Variants in SEMA6D observed in about 807,000 individuals in gnomAD.
The protein encoded by SEMA6D is semaphorin 6D, also known as semaphorin-6D.
SEMA6D carries 35 observed loss-of-function variants against 106.6 expected under a neutral mutation model. That is an observed-to-expected ratio of 0.33 (90% CI 0.25 to 0.44). The LOEUF is 0.44. SEMA6D is among the 20% of genes least tolerant of loss of function. The pLI, the probability that SEMA6D is intolerant of heterozygous loss-of-function variation, is 1.00. For missense variants in SEMA6D, 1,185 were observed against 1,345.9 expected, an observed-to-expected ratio of 0.88 and a Z score of 1.87; for synonymous variants, 499 against 487.7, an observed-to-expected ratio of 1.02 and a Z score of -0.31.
chr15:47,482,190 CATT>C lies in SEMA6D; in HGVS notation c.-87+11648_-87+11650del, dbSNP rs368648166. 5.5e-4 allele frequency among the ~76,000 whole-genome samples: 84 copies of C among 152,060 alleles called. 1 individual carries two copies. The highest frequency in any genetic ancestry group is 2.0e-3 in the African/African-American group (82 of 41,490). The stretch of plus-strand genomic sequence containing the variant: ...TTTTGACATAATGACAACAGGGAAA[CATT>C]ATAAATTATGTGTGGGAGAGAAGCA... On this transcript the variant is annotated intron_variant, in intron 3 of 19. Transcript: ENST00000558014.
chr15:47,548,684 A>G (rs1234340611), intron 3 of SEMA6D, among the ~76,000 whole-genome samples: 1 of 152,154 alleles, frequency 6.6e-6, no homozygotes, highest in African/African-American at 2.4e-5. Context: ...GGTTTATAGC[A>G]TGTCAACTTT....
intron 1 of SEMA6D, among the ~76,000 whole-genome samples, chr15:47,267,556 A>G (rs986154804): frequency 2.6e-5 from 4 of 152,068 alleles, no homozygotes; most frequent in Admixed American, 6.6e-5. Flanking sequence ...GATACCAGTT[A>G]TCCAGATTGA....
Position 47,438,327 on chromosome 15 carries a change from T to C in SEMA6D, c.-159+25855T>C, listed in dbSNP as rs189580873. On this transcript the variant is annotated intron_variant, in intron 2 of 19. Transcript: ENST00000558014. The stretch of plus-strand genomic sequence containing the variant: ...TAAGTCATCGCTCTTCTTTGTCTCA[T>C]GATCTCCTAGAACCCATCTCAACAC... 4.6e-5 allele frequency among the ~76,000 whole-genome samples: 7 copies of C among 152,208 alleles called. No individual in the cohort carries two copies. The East Asian group carries it at 1.4e-3, about 30-fold the overall frequency.
At chr15:47,694,071 G>A (rs2078648723) in intron 4 of SEMA6D, among the ~76,000 whole-genome samples, 1 of 152,116 alleles carries the variant, frequency 6.6e-6, no homozygotes, top group South Asian at 2.1e-4. Flanking sequence ...TCAAAGAGTA[G>A]CTCCCAAACT....
intron 1 of SEMA6D, among the ~76,000 whole-genome samples, chr15:47,269,897 C>CT (rs201010663): frequency 0.016 from 2,480 of 151,544 alleles, 47 homozygotes; most frequent in Non-Finnish European, 0.022. Flanking sequence ...TTTAATGTAT[C>CT]TTTTTTTTAT....
rs573072772 is a variant in SEMA6D, at chr15:47,231,692, A to C, written c.-239+47274A>C. Among the ~76,000 whole-genome samples, 7 of 152,166 alleles carry C rather than the reference A, an allele frequency of 4.6e-5. No individual in the cohort carries two copies. In the East Asian group the frequency reaches 1.4e-3, roughly 29 times the overall value. ...TTATTACATAAAACTGTGCCCCAGCAGTTTATCCCTTCAGGAGATGGCAAT... is the reference window on the plus strand; with the variant it reads ...TTATTACATAAAACTGTGCCCCAGCCGTTTATCCCTTCAGGAGATGGCAAT... On this transcript the variant is annotated intron_variant, in intron 1 of 19. Coordinates refer to the SEMA6D transcript ENST00000558014.
intron 2 of SEMA6D, among the ~76,000 whole-genome samples, chr15:47,430,965 CAT>C (rs2041503160): frequency 6.6e-6 from 1 of 152,118 alleles, no homozygotes. Context: ...TGAGGCAAGT[CAT>C]AGCAGCCAGT....
intron 1 of SEMA6D, among the ~76,000 whole-genome samples, chr15:47,191,840 ATAG>A (rs1314160415): frequency 6.6e-6 from 1 of 152,180 alleles, no homozygotes; most frequent in African/African-American, 2.4e-5. Context: ...GAAGCAGTAG[ATAG>A]TAGTCTCTGT....
chr15:47,743,812 C>A (rs150580416), intron 1 of SEMA6D, among the ~76,000 whole-genome samples: 2 of 152,172 alleles, frequency 1.3e-5, no homozygotes. Context: ...GAAGTGGCAT[C>A]CAAATGCTGT....
chr15:47,546,632 TC>T (rs898251180), intron 3 of SEMA6D, among the ~76,000 whole-genome samples: 11 of 151,656 alleles, frequency 7.3e-5, no homozygotes, highest in African/African-American at 1.2e-4. Context: ...AGAACTTTCC[TC>T]CCCCAGCCCC....
At chr15:47,694,137 A>G (rs2078650247) in intron 4 of SEMA6D, among the ~76,000 whole-genome samples, 1 of 145,548 alleles carries the variant, frequency 6.9e-6, no homozygotes, top group South Asian at 2.1e-4. Flanking sequence ...TCGGCCCCAC[A>G]AACAGAGCTA....
At chr15:47,525,790 A>G (rs1430562056) in intron 3 of SEMA6D, among the ~76,000 whole-genome samples, 1 of 152,222 alleles carries the variant, frequency 6.6e-6, no homozygotes. Context: ...TAGAAGAGGC[A>G]AGGGAGCCTT....
At chr15:47,652,282 G>A (rs2077706931) in intron 4 of SEMA6D, among the ~76,000 whole-genome samples, 2 of 152,158 alleles carry the variant, frequency 1.3e-5, no homozygotes, top group Non-Finnish European at 2.9e-5. Flanking sequence ...ATTTTCAAGG[G>A]ATATTCCCAC....
At chr15:47,227,247 C>G (rs1284216840) in intron 1 of SEMA6D, among the ~76,000 whole-genome samples, 1 of 151,944 alleles carries the variant, frequency 6.6e-6, no homozygotes, top group Non-Finnish European at 1.5e-5. Context: ...AGAAAAGCTC[C>G]TACTTCTGTT....
chr15:47,478,294 T>C (rs928578247), intron 3 of SEMA6D, among the ~76,000 whole-genome samples: 2 of 152,188 alleles, frequency 1.3e-5, no homozygotes, highest in Non-Finnish European at 2.9e-5. Flanking sequence ...AAGAGTTCTG[T>C]AGATGGGCAA....
chr15:47,636,367 A>G (rs935065353), intron 4 of SEMA6D, among the ~76,000 whole-genome samples: 2 of 152,204 alleles, frequency 1.3e-5, no homozygotes, highest in Non-Finnish European at 2.9e-5. Flanking sequence ...AAAGAGGACA[A>G]TAATGCAACC....
chr15:47,494,741 G>GATAGATATAT (rs1197901780), intron 3 of SEMA6D, among the ~76,000 whole-genome samples: 47 of 32,986 alleles, frequency 1.4e-3, no homozygotes, highest in African/African-American at 2.9e-3. Flanking sequence ...GTGGGATGGA[G>GATAGATATAT]ATATATATAT....
chr15:47,542,737 G>A (rs2045395871), intron 3 of SEMA6D, among the ~76,000 whole-genome samples: 1 of 152,118 alleles, frequency 6.6e-6, no homozygotes. Context: ...TATGCCAGTG[G>A]AATGTCATAA....
intron 3 of SEMA6D, among the ~76,000 whole-genome samples, chr15:47,545,652 G>A (rs184133743): frequency 1.3e-5 from 2 of 152,178 alleles, no homozygotes; most frequent in East Asian, 3.9e-4. Flanking sequence ...AATATAATCG[G>A]TTTTTAATAT....
Sources: allele counts gnomAD v4.1 joint callset (sites outside exome capture counted in the v4.1 genomes callset), GRCh38; gene constraint gnomAD v4.1.1; transcripts MANE v1.5; gene names NCBI Gene and HGNC (gene_info 2026-07-23, HGNC 2026-07-21).